Variants in RBM4 observed in about 807,000 individuals in gnomAD.
The protein encoded by RBM4 is RNA-binding protein 4.
A neutral mutation model predicts 29.5 loss-of-function variants in RBM4; 7 were observed. That is an observed-to-expected ratio of 0.24 (90% CI 0.14 to 0.45). The LOEUF (loss-of-function observed/expected upper bound fraction) is 0.45, where lower values mean the gene tolerates loss of function less well. Ranked by LOEUF, RBM4 falls within the 20% of genes least tolerant of loss-of-function variation. The pLI, the probability that RBM4 is intolerant of heterozygous loss-of-function variation, is 1.00. For synonymous variants in RBM4, 220 were observed against 205.4 expected, an observed-to-expected ratio of 1.07 and a Z score of -0.61; for missense variants, 387 against 502.3, an observed-to-expected ratio of 0.77 and a Z score of 2.19.
At chr11:66,653,627 G>A (rs780598810) in intron 2 of RBM4, among the ~76,000 whole-genome samples, 7 of 152,092 alleles carry the variant, frequency 4.6e-5, no homozygotes, top group African/African-American at 7.2e-5. Flanking sequence ...CTCCCAAAGT[G>A]TTGGGATTAC....
exon 3 of RBM4, chr11:66,666,219 G>A: frequency 1.1e-6 from 1 of 876,672 alleles, no homozygotes; most frequent in South Asian, 2.8e-5. Context: ...TCCTTCTATT[G>A]ATGATGGGAA....
At chr11:66,662,448 C>T (rs1233151009) in intron 2 of RBM4, among the ~76,000 whole-genome samples, 1 of 152,146 alleles carries the variant, frequency 6.6e-6, no homozygotes, top group Non-Finnish European at 1.5e-5. Flanking sequence ...GTTGCCCAGG[C>T]TGGAGTGCAT....
chr11:66,666,154 A>C (rs1191565322), exon 3 of RBM4: 1 of 747,288 alleles, frequency 1.3e-6, no homozygotes, highest in Non-Finnish European at 2.0e-6. Flanking sequence ...TAGTTCCCCT[A>C]ATTGACCAAA....
intron 2 of RBM4, among the ~76,000 whole-genome samples, chr11:66,642,502 T>C (rs1317316461): frequency 6.6e-6 from 1 of 152,242 alleles, no homozygotes; most frequent in African/African-American, 2.4e-5. Context: ...ATACTTTTCA[T>C]TTCCAGAATG....
chr11:66,652,221 T>G (rs2135080608), intron 2 of RBM4: 1 of 152,142 alleles, frequency 6.6e-6, no homozygotes, highest in South Asian at 2.1e-4. Flanking sequence ...GCCTCCCAAG[T>G]AGCTGGGACT....
Position 66,646,016 on chromosome 11 carries a change from C to T in RBM4, c.*9-11C>T, listed in dbSNP as rs1180807269. ...TTTGCTGTAAAGCCGCTGTATTGTGCTCTCTTTCAGGTGGGATGTGTGTGG... is the reference window on the plus strand; with the variant it reads ...TTTGCTGTAAAGCCGCTGTATTGTGTTCTCTTTCAGGTGGGATGTGTGTGG... On this transcript the variant is annotated splice_polypyrimidine_tract_variant and intron_variant, in intron 3 of 3. Transcript: ENST00000310092. 1 of 1,536,104 alleles carries T rather than the reference C, an allele frequency of 6.5e-7. No homozygotes were observed. The highest frequency in any genetic ancestry group is 8.7e-7 in the Non-Finnish European group (1 of 1,146,900).
chr11:66,651,475 G>A (rs1938830396), intron 2 of RBM4, among the ~76,000 whole-genome samples: 1 of 151,844 alleles, frequency 6.6e-6, no homozygotes, highest in South Asian at 2.1e-4. Context: ...ACCATCCAGA[G>A]TAACTGGGAC....
chr11:66,651,219 G>T (rs549548739), downstream of RBM4, among the ~76,000 whole-genome samples: 50 of 152,126 alleles, frequency 3.3e-4, no homozygotes, highest in African/African-American at 1.2e-3. Flanking sequence ...CTCAGTACTT[G>T]TGTGTTCTTA....
Position 66,639,464 on chromosome 11 carries a change from C to T in RBM4, c.-12-236C>T, listed in dbSNP as rs1283763775. 5 of 573,526 alleles carry T rather than the reference C, an allele frequency of 8.7e-6. No individual in the cohort carries two copies. In the East Asian group the frequency reaches 8.8e-5, roughly 10 times the overall value. The allele number at this position is 573,526 out of a possible 1,614,324, so 35.5% of individuals were successfully genotyped here. On this transcript the variant is annotated intron_variant, in intron 1 of 3. Transcript: ENST00000310092. ...TGGAAGGTATCGGTTCTTACCAAAC[C>T]CTTTGTCTACTAAGGACCTCCCTAT...
intron 2 of RBM4, among the ~76,000 whole-genome samples, chr11:66,641,561 C>T (rs1403571291): frequency 6.6e-6 from 1 of 152,172 alleles, no homozygotes; most frequent in African/African-American, 2.4e-5. Context: ...TCCCACACTT[C>T]AGCCCAGTCA....
At chr11:66,642,996 C>T (rs1038221340) in intron 2 of RBM4, among the ~76,000 whole-genome samples, 6 of 152,224 alleles carry the variant, frequency 3.9e-5, no homozygotes, top group East Asian at 1.9e-4. Context: ...GTCTTTTATT[C>T]GGTTCTTTTA....
chr11:66,664,061 G>A (rs1414407783), intron 2 of RBM4, among the ~76,000 whole-genome samples: 1 of 151,960 alleles, frequency 6.6e-6, no homozygotes, highest in African/African-American at 2.4e-5. Context: ...AGAATGGAGT[G>A]CAGTGGCATG....
At chr11:66,649,127 C>T (rs1037346579), downstream of RBM4, among the ~76,000 whole-genome samples, 1 of 152,120 alleles carries the variant, frequency 6.6e-6, no homozygotes, top group Non-Finnish European at 1.5e-5. Context: ...CTGCCTCAGC[C>T]TCCTGCGTAG....
chr11:66,665,908 A>G lies in RBM4; in HGVS notation c.465A>G (p.Thr155=), dbSNP rs1411195308. ...ACTGTTGCTGTAACAAAGGGCATAC[A>G]TACATTTTCAAGAACTGCAATTTAA... Residue 155 remains threonine, a synonymous_variant, in exon 3 of 3, where the codon ACA becomes ACG. Transcript: ENST00000396053. 23 of 1,535,504 alleles carry G rather than the reference A, an allele frequency of 1.5e-5. No homozygotes were observed. The East Asian group carries it at 3.2e-4, about 21-fold the overall frequency.
At chr11:66,639,512 C>A (rs932850343) in intron 1 of RBM4, 188 bp from the exon 2 acceptor site, 2 of 720,400 alleles carry the variant, frequency 2.8e-6, no homozygotes, top group Non-Finnish European at 4.5e-6. Context: ...CTTATTCTTA[C>A]AGGTTCATGG....
At chr11:66,639,022 C>T (rs559251072) in intron 1 of RBM4, 1 of 152,192 alleles carries the variant, frequency 6.6e-6, no homozygotes, top group African/African-American at 2.4e-5. Flanking sequence ...CCCCCTTTCC[C>T]TTATATCTGA....
chr11:66,647,024 G>C (rs1179073787), downstream of RBM4, among the ~76,000 whole-genome samples: 1 of 152,224 alleles, frequency 6.6e-6, no homozygotes, highest in African/African-American at 2.4e-5. Flanking sequence ...TGGGTTTACA[G>C]CCTTTAAATC....
At position 66,665,802 on chromosome 11, in the gene RBM4, A is replaced by G. The variant is rs2135225673; in HGVS notation, c.413-54A>G. Reference sequence around the variant, plus strand: ...GGCTATATATATAGGACAAGATGCAATCTAGCTGAAGAATGTGTTGGTGAT... The same window carrying G: ...GGCTATATATATAGGACAAGATGCAGTCTAGCTGAAGAATGTGTTGGTGAT... On this transcript the variant is annotated intron_variant, in intron 2 of 2. Transcript: ENST00000396053. The G allele has an allele frequency of 4.1e-6, 6 of 1,448,104 alleles. No individual in the cohort carries two copies. The South Asian group carries it at 7.7e-5, about 18-fold the overall frequency. The allele number at this position is 1,448,104 out of a possible 1,614,324, so 89.7% of individuals were successfully genotyped here.
At chr11:66,642,867 T>C (rs911442185) in intron 2 of RBM4, among the ~76,000 whole-genome samples, 1 of 152,230 alleles carries the variant, frequency 6.6e-6, no homozygotes, top group African/African-American at 2.4e-5. Flanking sequence ...TTCAACTTGT[T>C]GTGCCCCTCT....
Sources: allele counts gnomAD v4.1 joint callset (sites outside exome capture counted in the v4.1 genomes callset), GRCh38; gene constraint gnomAD v4.1.1; transcripts MANE v1.5; gene names NCBI Gene and HGNC (gene_info 2026-07-23, HGNC 2026-07-21).